EYS: variants seen among roughly 807,000 people sequenced by gnomAD.
EYS encodes protein eyes shut homolog.
Under a neutral mutation model 282.1 loss-of-function variants are expected in EYS, and 250 were observed. The observed-to-expected ratio is 0.89, with a 90% CI of 0.80 to 0.98. EYS has a LOEUF of 0.98. Among genes scored for constraint, EYS ranks in the 50% least tolerant of loss-of-function variants. The pLI is 0.00. For synonymous variants in EYS, 1,355 were observed against 1,282.9 expected, an observed-to-expected ratio of 1.06 and a Z score of -1.20; for missense variants, 4,016 against 3,709.0, an observed-to-expected ratio of 1.08 and a Z score of -2.15.
intron 22 of EYS, among the ~76,000 whole-genome samples, chr6:64,633,080 T>C (rs184866924): frequency 2.7e-4 from 41 of 152,304 alleles, no homozygotes; most frequent in African/African-American, 9.9e-4. Context: ...TCATTTTAAT[T>C]TAACATTTTT....
At chr6:65,693,158 C>T (rs948510257) in intron 1 of EYS, among the ~76,000 whole-genome samples, 1 of 149,584 alleles carries the variant, frequency 6.7e-6, no homozygotes, top group South Asian at 2.1e-4. Flanking sequence ...TCCTTTCTTC[C>T]TATTTTCCTT....
intron 12 of EYS, among the ~76,000 whole-genome samples, chr6:65,124,606 G>A (rs575207819): frequency 6.6e-6 from 1 of 151,980 alleles, no homozygotes; most frequent in South Asian, 2.1e-4. Context: ...AAATCATAGT[G>A]ACAGTTGCAT....
chr6:64,794,407 T>C (rs1410457981), intron 22 of EYS, among the ~76,000 whole-genome samples: 1 of 152,106 alleles, frequency 6.6e-6, no homozygotes, highest in African/African-American at 2.4e-5. Context: ...ACTTCTCTCT[T>C]GCTATCATGA....
intron 28 of EYS, among the ~76,000 whole-genome samples, chr6:64,407,823 C>T (rs1773769626): frequency 6.6e-6 from 1 of 152,118 alleles, no homozygotes. Flanking sequence ...CCTCCGCCTC[C>T]TGGGTTCAAG....
intron 22 of EYS, among the ~76,000 whole-genome samples, chr6:64,742,674 T>G (rs1772416412): frequency 6.6e-6 from 1 of 152,176 alleles, no homozygotes; most frequent in Non-Finnish European, 1.5e-5. Flanking sequence ...CACAGGTGCA[T>G]ACTTATTCTC....
rs1470612726 is a variant in EYS at position 64,347,651 on chromosome 6, C to T, written c.6079-40569G>A. Reference sequence around the variant, plus strand: ...ATGATTTCCACTGGTGTTTACTTTGCTTCTTTCTTGGCATCATGACATCCC... The same window carrying T: ...ATGATTTCCACTGGTGTTTACTTTGTTTCTTTCTTGGCATCATGACATCCC... On this transcript the variant is annotated intron_variant, in intron 29 of 42. Transcript: ENST00000503581. 7.9e-5 allele frequency among the ~76,000 whole-genome samples: 12 copies of T among 151,290 alleles called. No homozygotes were observed. In the Admixed American group the frequency reaches 7.9e-4, roughly 10 times the overall value.
At chr6:64,296,372 TTTTA>T (rs1333714344) in intron 30 of EYS, among the ~76,000 whole-genome samples, 6 of 152,154 alleles carry the variant, frequency 3.9e-5, no homozygotes, top group African/African-American at 1.4e-4. Flanking sequence ...TTATCATTAC[TTTTA>T]TTTGTTTTGG....
chr6:64,679,477 T>C (rs117547844), intron 22 of EYS, among the ~76,000 whole-genome samples: 2 of 152,308 alleles, frequency 1.3e-5, no homozygotes, highest in East Asian at 3.9e-4. Context: ...TACCATTATA[T>C]ATAATACTGC....
At chr6:65,331,967 T>A (rs1426405584) in intron 11 of EYS, 1 of 159,026 alleles carries the variant, frequency 6.3e-6, no homozygotes, top group African/African-American at 2.4e-5. Flanking sequence ...AACATTCACA[T>A]ATAAATTTTT....
chr6:65,295,722 T>A, intron 12 of EYS, 141 bp downstream of exon 12: 1 of 768,280 alleles, frequency 1.3e-6, no homozygotes, highest in Non-Finnish European at 2.0e-6. Context: ...ATGCATTTTT[T>A]TTTTTACTTT....
intron 19 of EYS, among the ~76,000 whole-genome samples, chr6:64,835,638 A>G (rs374499377): frequency 1.6e-4 from 25 of 151,816 alleles, no homozygotes; most frequent in African/African-American, 6.0e-4. Flanking sequence ...TAGCAAACAT[A>G]GCCACAGGAT....
At chr6:63,974,305 C>T (rs1202608266) in intron 35 of EYS, among the ~76,000 whole-genome samples, 1 of 151,928 alleles carries the variant, frequency 6.6e-6, no homozygotes, top group Non-Finnish European at 1.5e-5. Flanking sequence ...GGCTTTAACA[C>T]ATCTTTTCCT....
intron 29 of EYS, among the ~76,000 whole-genome samples, chr6:64,344,128 A>G (rs1392590995): frequency 6.6e-6 from 1 of 152,182 alleles, no homozygotes; most frequent in Non-Finnish European, 1.5e-5. Context: ...TACCAGAGGT[A>G]TAAGGAGGAG....
intron 12 of EYS, among the ~76,000 whole-genome samples, chr6:65,061,949 T>C (rs995882982): frequency 1.3e-5 from 2 of 152,006 alleles, no homozygotes; most frequent in African/African-American, 4.8e-5. Flanking sequence ...TTGTGGTCTG[T>C]CCTAAATCCT....
chr6:65,456,325 C>A (rs146930834), intron 5 of EYS, among the ~76,000 whole-genome samples: 1 of 151,740 alleles, frequency 6.6e-6, no homozygotes, highest in African/African-American at 2.4e-5. Context: ...GGTGGAGTGC[C>A]GGTAGTCCCA....
chr6:65,037,273 T>C (rs762681224), intron 13 of EYS, among the ~76,000 whole-genome samples: 1 of 151,618 alleles, frequency 6.6e-6, no homozygotes, highest in African/African-American at 2.4e-5. Context: ...TACACACAGA[T>C]GCAAATAAGA....
chr6:63,956,757 G>A (rs148730517), intron 35 of EYS, among the ~76,000 whole-genome samples: 42 of 152,146 alleles, frequency 2.8e-4, no homozygotes, highest in African/African-American at 9.4e-4. Context: ...AGTTTAACAC[G>A]TATTTCCCAC....
chr6:65,272,258 T>G (rs7751792), intron 12 of EYS, among the ~76,000 whole-genome samples: 151,798 of 152,276 alleles, frequency 1, 75,662 homozygotes, highest in Non-Finnish European at 1. Context: ...GCCAGATCAT[T>G]CCATGGGCAA....
At chr6:64,738,339 T>C (rs965849240) in intron 22 of EYS, among the ~76,000 whole-genome samples, 1 of 152,194 alleles carries the variant, frequency 6.6e-6, no homozygotes, top group African/African-American at 2.4e-5. Context: ...TTGCTTCCTC[T>C]TTCCTTGTGT....
Sources: allele counts gnomAD v4.1 joint callset (sites outside exome capture counted in the v4.1 genomes callset), GRCh38; gene constraint gnomAD v4.1.1; transcripts MANE v1.5; gene names NCBI Gene and HGNC (gene_info 2026-07-23, HGNC 2026-07-21).